VEGFC: variants seen among roughly 807,000 people sequenced by gnomAD.
VEGFC encodes the protein vascular endothelial growth factor C.
In VEGFC, 12 loss-of-function variants were observed where a neutral mutation model predicts 46.1. The ratio of observed to expected loss-of-function variants is 0.26; its 90% CI spans 0.17 to 0.42. The LOEUF (loss-of-function observed/expected upper bound fraction) is 0.42. Among genes scored for constraint, VEGFC ranks in the 10% least tolerant of loss-of-function variants. The pLI is 1.00. For missense variants in VEGFC, 488 were observed against 529.4 expected, an observed-to-expected ratio of 0.92 and a Z score of 0.77; for synonymous variants, 232 against 195.5, an observed-to-expected ratio of 1.19 and a Z score of -1.56.
At chr4:176,772,124 C>T (rs1267103144) in intron 1 of VEGFC, among the ~76,000 whole-genome samples, 1 of 152,002 alleles carries the variant, frequency 6.6e-6, no homozygotes, top group Non-Finnish European at 1.5e-5. Context: ...TCCAATGTCA[C>T]AAAAATTACA....
rs776025414 is a variant in VEGFC at position 176,687,848 on chromosome 4, A to T, written c.784T>A (p.Phe262Ile). ...HICRCLAQED[F>I]MFSSDAGDDS... ...TCTCCAGCATCCGAGGAAAACATAA[A>T]ATCTTCCTGAGCCAGGCATCTGCAG... Residue 262 changes from phenylalanine (F) to isoleucine (I), a missense_variant, in exon 5 of 7, where the codon TTT becomes ATT. Physicochemically the swap from Phe to Ile is conservative, Grantham distance 21. Transcript: ENST00000618562. The T allele has an allele frequency of 1.2e-6, 2 of 1,613,254 alleles. No homozygotes were observed. Among genetic ancestry groups the T allele is most frequent in the African/African-American group, 2.7e-5 (2 of 74,870 alleles).
intron 1 of VEGFC, among the ~76,000 whole-genome samples, chr4:176,737,150 T>C (rs1007510251): frequency 3.3e-5 from 5 of 149,934 alleles, no homozygotes; most frequent in African/African-American, 9.7e-5. Context: ...TAAACCAACA[T>C]TGAAAAAGAA....
At chr4:176,767,837 GAAGAT>G (rs2110921576) in intron 1 of VEGFC, among the ~76,000 whole-genome samples, 1 of 152,276 alleles carries the variant, frequency 6.6e-6, no homozygotes, top group African/African-American at 2.4e-5. Flanking sequence ...CTAGGGAGGT[GAAGAT>G]AAGAACCAGT....
At chr4:176,712,198 C>T (rs1379169871) in intron 3 of VEGFC, among the ~76,000 whole-genome samples, 1 of 151,844 alleles carries the variant, frequency 6.6e-6, no homozygotes, top group African/African-American at 2.4e-5. Flanking sequence ...TCTTAGATCT[C>T]TTATAAATTG....
rs1242090667 is a variant in VEGFC at position 176,687,890 on chromosome 4, T to A, written c.742A>T (p.Met248Leu). The A allele has an allele frequency of 6.2e-7, 1 of 1,613,112 alleles. No homozygotes were observed. Among genetic ancestry groups the A allele is most frequent in the Non-Finnish European group, 8.5e-7 (1 of 1,179,688 alleles). The change falls in exon 5 of 7, where the codon ATG (methionine) becomes TTG (leucine). Residue 248 changes from methionine (M) to leucine (L), a missense_variant. By Grantham distance (15) the Met-to-Leu change is conservative. Transcript: ENST00000618562. ...AANKTCPTNY[M>L]WNNHICRCLA... is the part of the protein sequence containing the mutation. The stretch of plus-strand genomic sequence containing the variant: ...CATCTGCAGATGTGATTATTCCACA[T>A]GTAATTGGTGGGGCAGGTCTTGTTC...
chr4:176,713,313 T>C (rs991379332), intron 3 of VEGFC, among the ~76,000 whole-genome samples: 4 of 152,200 alleles, frequency 2.6e-5, no homozygotes, highest in Non-Finnish European at 5.9e-5. Flanking sequence ...GCAATGGCAG[T>C]AATCCTTTGC....
At chr4:176,739,619 G>T (rs138873358) in intron 1 of VEGFC, among the ~76,000 whole-genome samples, 1 of 151,698 alleles carries the variant, frequency 6.6e-6, no homozygotes, top group Non-Finnish European at 1.5e-5. Context: ...GGTAGGGAAC[G>T]CATCGGAAGA....
Position 176,792,073 on chromosome 4 carries a change from GCACA to G in VEGFC, c.147+88_147+91del. On this transcript the variant is annotated intron_variant, in intron 1 of 6. Transcript: ENST00000618562. This position sits in a 1 kb window ranked among gnomAD's most constrained non-coding sequence, Gnocchi z 6.3. ...TGGATCCCACGTACACAAGCTTAAA[GCACA>G]CACACTTTCCCCCGCGCAGGTTCTC... is the stretch of plus-strand genomic sequence containing the variant. 1 of 1,390,450 alleles carries G rather than the reference GCACA, an allele frequency of 7.2e-7. No homozygotes were observed. The highest frequency in any genetic ancestry group is 9.4e-7 in the Non-Finnish European group (1 of 1,066,546). 86.1% of individuals were successfully genotyped at this position (1,390,450 alleles called of 1,614,324 possible).
At position 176,684,078 on chromosome 4, in the gene VEGFC, C is replaced by CAAA. The variant is rs759943363; in HGVS notation, c.1146-39_1146-38insTTT. ...ACAAGAACACACTTACGTTAAAGATCAAGGCAATGGATTCATCATGCTACC... is the reference window on the plus strand; with the variant it reads ...ACAAGAACACACTTACGTTAAAGATCAAAAAGGCAATGGATTCATCATGCTACC... On this transcript the variant is annotated intron_variant, in intron 6 of 6. Transcript: ENST00000618562. 2.2e-5 allele frequency: 32 copies of CAAA among 1,437,504 alleles called. No individual in the cohort carries two copies. In the East Asian group the frequency reaches 7.1e-4, roughly 32 times the overall value. 89.0% of individuals were successfully genotyped at this position (1,437,504 alleles called of 1,614,324 possible). A position where few individuals can be genotyped will look rare whatever the true frequency, so the allele number is the denominator to read the frequency against.
In VEGFC at chr4:176,729,747, CTG is replaced by C. The variant is rs779772530; in HGVS notation, c.148-3_148-2del. 8.3e-6 allele frequency: 13 copies of C among 1,566,420 alleles called. No individual in the cohort carries two copies. Among genetic ancestry groups the C allele is most frequent in the Admixed American group, 1.9e-5 (1 of 51,910 alleles). On this transcript the variant is annotated splice_acceptor_variant and splice_polypyrimidine_tract_variant and intron_variant, in intron 1 of 6. Coordinates refer to ENST00000618562, the MANE Select transcript of VEGFC (RefSeq NM_005429.5). LOFTEE classifies it high-confidence loss of function. ...CCTCCAGATCTTTGCTTGCATAAGC[CTG>C]TCAAAGAAAAATGCAAGATCAATGA... is the stretch of plus-strand genomic sequence containing the variant.
chr4:176,688,521 G>A (rs1164478551), intron 4 of VEGFC, among the ~76,000 whole-genome samples: 2 of 152,030 alleles, frequency 1.3e-5, no homozygotes, highest in African/African-American at 4.8e-5. Flanking sequence ...TTTCCACTCT[G>A]TACTCCCCCA....
intron 5 of VEGFC, 133 bp from the exon 6 acceptor site, chr4:176,687,653 C>T: frequency 9.5e-7 from 1 of 1,053,728 alleles, no homozygotes; most frequent in Non-Finnish European, 1.3e-6. Context: ...GAGTATGTTC[C>T]TTTATAAAGG....
At chr4:176,790,883 T>C (rs1736078706) in intron 1 of VEGFC, among the ~76,000 whole-genome samples, 1 of 152,218 alleles carries the variant, frequency 6.6e-6, no homozygotes, top group African/African-American at 2.4e-5. Context: ...GCACTGAAAA[T>C]TATTTTTGTG....
chr4:176,702,195 A>G (rs1354279870), intron 4 of VEGFC, among the ~76,000 whole-genome samples: 1 of 152,204 alleles, frequency 6.6e-6, no homozygotes, highest in African/African-American at 2.4e-5. Context: ...ATCTTCTTAA[A>G]TAAACCCTAG....
In VEGFC at chr4:176,687,920, C is replaced by T. The variant is rs908160442; in HGVS notation, c.712G>A (p.Ala238Thr). ...SLPATLPQCQAANKTCPTNYM... is the reference protein window; with the variant it reads ...SLPATLPQCQTANKTCPTNYM... ...TTGGTGGGGCAGGTCTTGTTCGCTG[C>T]CTGACACCTTTGGAAGAAACAGACG... The change falls in exon 5 of 7, where the codon GCA (alanine) becomes ACA (threonine). Residue 238 changes from alanine (A) to threonine (T), a missense_variant. By Grantham distance (58) the Ala-to-Thr change is moderately conservative. Coordinates refer to ENST00000618562, the MANE Select transcript of VEGFC (RefSeq NM_005429.5). The T allele has an allele frequency of 1.9e-6, 3 of 1,608,988 alleles. No individual in the cohort carries two copies. The African/African-American group carries it at 4.0e-5, about 22-fold the overall frequency.
At chr4:176,695,984 C>G (rs558507622) in intron 4 of VEGFC, among the ~76,000 whole-genome samples, 64 of 147,692 alleles carry the variant, frequency 4.3e-4, no homozygotes, top group African/African-American at 1.6e-3. Flanking sequence ...GGACATATTT[C>G]AAAATAATAA....
rs899271707 is a variant in VEGFC, at chr4:176,778,561, G to C, written c.147+13604C>G. On this transcript the variant is annotated intron_variant, in intron 1 of 6. Transcript: ENST00000618562. ...ACTACATATATTATAATCAAATGTT[G>C]GATCAAGTAGGAATAACCCAATTAA... Among the ~76,000 whole-genome samples the C allele has an allele frequency of 2.6e-5, 4 of 151,994 alleles. No individual in the cohort carries two copies. The East Asian group carries it at 7.7e-4, about 29-fold the overall frequency.
At chr4:176,740,386 A>AGTT in intron 1 of VEGFC, among the ~76,000 whole-genome samples, 1 of 123,398 alleles carries the variant, frequency 8.1e-6, no homozygotes, top group African/African-American at 3.2e-5. Flanking sequence ...AGTTATATAT[A>AGTT]ACTATATATT....
chr4:176,707,104 G>A (rs1317081958), intron 4 of VEGFC, among the ~76,000 whole-genome samples: 3 of 152,100 alleles, frequency 2.0e-5, no homozygotes, highest in Non-Finnish European at 4.4e-5. Context: ...ATGTTCCACT[G>A]TATGCATATA....
Sources: gnomAD v4.1 joint callset for allele counts (sites outside exome capture counted in the v4.1 genomes callset) on GRCh38, gnomAD v4.1.1 for gene constraint, Gnocchi (gnomAD v3.1) non-coding constraint, MANE v1.5 for transcripts, NCBI Gene and HGNC (gene_info 2026-07-23, HGNC 2026-07-21) for gene names.